PLAAT1: variants seen among roughly 807,000 people sequenced by gnomAD.
PLAAT1 encodes the protein H-REV107 protein-related protein.
A neutral mutation model predicts 16.4 loss-of-function variants in PLAAT1; 13 were observed. The observed-to-expected ratio is 0.79, with a 90% CI of 0.52 to 1.26. The LOEUF is 1.26. Among genes scored for constraint, PLAAT1 ranks in the 50% most tolerant of loss-of-function variants. The pLI is 0.00. For missense variants in PLAAT1, 218 were observed against 207.8 expected, an observed-to-expected ratio of 1.05 and a Z score of -0.30; for synonymous variants, 73 against 78.4, an observed-to-expected ratio of 0.93 and a Z score of 0.36.
downstream of PLAAT1, chr3:193,279,403 A>G (rs1392024988): frequency 6.2e-7 from 1 of 1,613,900 alleles, no homozygotes; most frequent in Admixed American, 1.7e-5. Flanking sequence ...GTCAGAAAAC[A>G]GAATGAAAAT....
chr3:193,275,885 T>G (rs1190231560), intron 2 of PLAAT1, among the ~76,000 whole-genome samples: 1 of 152,206 alleles, frequency 6.6e-6, no homozygotes, highest in Non-Finnish European at 1.5e-5. Context: ...AAATTTTTAT[T>G]TTATTATGGG....
At chr3:193,268,143 G>T (rs1375134157) in intron 3 of PLAAT1, among the ~76,000 whole-genome samples, 2 of 152,030 alleles carry the variant, frequency 1.3e-5, no homozygotes, top group African/African-American at 4.8e-5. Flanking sequence ...TATCTTTTAT[G>T]TATTTTTCAA....
intron 1 of PLAAT1, among the ~76,000 whole-genome samples, chr3:193,249,539 A>C (rs371323250): frequency 9.2e-5 from 14 of 152,246 alleles, no homozygotes; most frequent in African/African-American, 3.4e-4. Context: ...GTTTCCAAGG[A>C]TCTATCAGTG....
At chr3:193,275,105 A>G, downstream of PLAAT1, 1 of 1,614,166 alleles carries the variant, frequency 6.2e-7, no homozygotes, top group Non-Finnish European at 8.5e-7. Context: ...TTCTTTTTGG[A>G]ATCTGTTCAT....
chr3:193,278,971 A>G (rs568657763), downstream of PLAAT1, among the ~76,000 whole-genome samples: 15 of 152,314 alleles, frequency 9.8e-5, no homozygotes, highest in Admixed American at 9.8e-4. Context: ...CTGACAAAAC[A>G]TGACTGTCTT....
At chr3:193,275,062 G>A, downstream of PLAAT1, 2 of 1,614,190 alleles carry the variant, frequency 1.2e-6, no homozygotes, top group Non-Finnish European at 1.7e-6. Flanking sequence ...GCCCAGAAAT[G>A]CTGTTCTGTG....
chr3:193,241,999 G>A (rs1429248139), intron 1 of PLAAT1, among the ~76,000 whole-genome samples: 2 of 152,160 alleles, frequency 1.3e-5, no homozygotes, highest in African/African-American at 4.8e-5. Context: ...GAGACTGAAG[G>A]TATAGAGCAA....
chr3:193,275,577 C>T (rs2108809787), downstream of PLAAT1, among the ~76,000 whole-genome samples: 1 of 151,866 alleles, frequency 6.6e-6, no homozygotes, highest in South Asian at 2.1e-4. Flanking sequence ...ATGATTTTCC[C>T]CTCAGACTGA....
At chr3:193,279,422 C>G, downstream of PLAAT1, 1 of 1,613,666 alleles carries the variant, frequency 6.2e-7, no homozygotes, top group Non-Finnish European at 8.5e-7. Context: ...ATTGTGAGGC[C>G]CAAGGCAGCT....
chr3:193,262,379 GA>G (rs1478846272), intron 2 of PLAAT1, among the ~76,000 whole-genome samples: 1 of 146,472 alleles, frequency 6.8e-6, no homozygotes, highest in Non-Finnish European at 1.5e-5. Flanking sequence ...GAACTGGCAG[GA>G]AAAAAGCAGG....
intron 2 of PLAAT1, among the ~76,000 whole-genome samples, chr3:193,256,051 A>G (rs893889231): frequency 1.3e-5 from 2 of 152,166 alleles, no homozygotes; most frequent in Non-Finnish European, 2.9e-5. Context: ...TGGGGAAAAT[A>G]TTTGCCACAA....
At chr3:193,275,423 G>A, downstream of PLAAT1, 1 of 1,117,184 alleles carries the variant, frequency 9.0e-7, no homozygotes. Flanking sequence ...CATTGCTGTT[G>A]CATCTACCTC....
intron 1 of PLAAT1, among the ~76,000 whole-genome samples, chr3:193,254,507 A>T (rs1716304579): frequency 6.6e-6 from 1 of 152,176 alleles, no homozygotes; most frequent in Non-Finnish European, 1.5e-5. Flanking sequence ...TTGTTGATAG[A>T]TGTACATAAT....
chr3:193,260,109 G>T (rs942369848), intron 2 of PLAAT1, among the ~76,000 whole-genome samples: 2 of 152,020 alleles, frequency 1.3e-5, no homozygotes, highest in Admixed American at 6.6e-5. Context: ...ATGGGGAAAG[G>T]TCTTCCTATT....
downstream of PLAAT1, among the ~76,000 whole-genome samples, chr3:193,273,189 A>T (rs1717045716): frequency 6.6e-6 from 1 of 152,202 alleles, no homozygotes; most frequent in Non-Finnish European, 1.5e-5. Flanking sequence ...TCATTCTAAA[A>T]GTCAAATTAC....
At chr3:193,280,207 T>C (rs1717422053), downstream of PLAAT1, among the ~76,000 whole-genome samples, 1 of 151,996 alleles carries the variant, frequency 6.6e-6, no homozygotes, top group Non-Finnish European at 1.5e-5. Flanking sequence ...CCCACCACCA[T>C]GCATGGCTAA....
downstream of PLAAT1, chr3:193,277,771 A>G (rs1389382065): frequency 1.3e-5 from 2 of 152,166 alleles, no homozygotes; most frequent in African/African-American, 4.8e-5. Context: ...CACCACTCCA[A>G]TCCAGAACTA....
chr3:193,252,090 A>C (rs1274638586), intron 1 of PLAAT1, among the ~76,000 whole-genome samples: 3 of 152,202 alleles, frequency 2.0e-5, no homozygotes, highest in Admixed American at 6.5e-5. Flanking sequence ...TACAGGATGC[A>C]TGGTGCTGGT....
chr3:193,269,918 G>A (rs1450863838), intron 3 of PLAAT1, among the ~76,000 whole-genome samples: 2 of 152,172 alleles, frequency 1.3e-5, no homozygotes, highest in Non-Finnish European at 2.9e-5. Context: ...TTGTCTACAT[G>A]AGAAATTAAT....
Sources: gnomAD v4.1 joint callset for allele counts (sites outside exome capture counted in the v4.1 genomes callset) on GRCh38, gnomAD v4.1.1 for gene constraint, MANE v1.5 for transcripts, NCBI Gene and HGNC (gene_info 2026-07-23, HGNC 2026-07-21) for gene names.